The following ZNF251 variants were observed in gnomAD, a reference collection of about 807,000 sequenced individuals.
The protein encoded by ZNF251 is zinc finger protein 251.
Under a neutral mutation model 13.5 loss-of-function variants are expected in ZNF251, and 14 were observed. That is an observed-to-expected ratio of 1.04 (90% confidence interval 0.69 to 1.63). The LOEUF (loss-of-function observed/expected upper bound fraction) is 1.63. ZNF251 is among the 40% of genes most tolerant of loss of function. The pLI is 0.00. For missense variants in ZNF251, 764 were observed against 834.9 expected, an observed-to-expected ratio of 0.92 and a Z score of 1.05; for synonymous variants, 287 against 295.2, an observed-to-expected ratio of 0.97 and a Z score of 0.28.
In ZNF251 at chr8:144,734,437, A is replaced by G. The variant is rs1035536047; in HGVS notation, c.278-11055T>C. 6.6e-6 allele frequency among the ~76,000 whole-genome samples: 1 copy of G among 152,190 alleles called. No individual in the cohort carries two copies. Among genetic ancestry groups the G allele is most frequent in the African/African-American group, 2.4e-5 (1 of 41,458 alleles). ...GCCCTGAGCACCCGGTTCCTGCCCC[A>G]CCGGACGCTGGAGGCCTCCACCTGG... On this transcript the variant is annotated intron_variant, in intron 4 of 4. Coordinates refer to ENST00000292562, the MANE Select transcript of ZNF251 (RefSeq NM_138367.2). The surrounding 1 kb of genome is among the most constrained non-coding windows in gnomAD (Gnocchi z 4.4).
chr8:144,730,239 G>T, intron 4 of ZNF251: 5 of 451,592 alleles, frequency 1.1e-5, no homozygotes, highest in Non-Finnish European at 1.2e-5. Flanking sequence ...AGAGCAGCAA[G>T]GGTGGGCTCT....
chr8:144,738,384 C>T (rs569170303), intron 4 of ZNF251: 1 of 183,516 alleles, frequency 5.4e-6, no homozygotes, highest in East Asian at 1.9e-4. Flanking sequence ...GGAAGCAGCA[C>T]CCCTGTGGAC....
At chr8:144,751,477 T>C (rs1002133114) in intron 4 of ZNF251, among the ~76,000 whole-genome samples, 1 of 152,198 alleles carries the variant, frequency 6.6e-6, no homozygotes, top group Admixed American at 6.5e-5. Context: ...TTATGTGAAG[T>C]AGTACACAAA....
At chr8:144,736,471 AT>A (rs1391917246) in intron 4 of ZNF251, among the ~76,000 whole-genome samples, 3 of 134,614 alleles carry the variant, frequency 2.2e-5, no homozygotes, top group Non-Finnish European at 4.6e-5. Flanking sequence ...TTATTTATTT[AT>A]TTATTTATTT....
chr8:144,727,091 A>G (rs2129936722), intron 4 of ZNF251, among the ~76,000 whole-genome samples: 1 of 152,264 alleles, frequency 6.6e-6, no homozygotes, highest in East Asian at 1.9e-4. Flanking sequence ...CCAAACATTG[A>G]AGAGTGTATG....
intron 4 of ZNF251, among the ~76,000 whole-genome samples, chr8:144,748,459 T>C (rs1008764278): frequency 1.3e-5 from 2 of 152,204 alleles, no homozygotes; most frequent in African/African-American, 4.8e-5. Flanking sequence ...TATTTCCGCT[T>C]TCTTTGGATT....
In ZNF251 at chr8:144,721,394, A is replaced by G. The variant is rs974421476; in HGVS notation, c.*250T>C. The G allele has an allele frequency of 7.3e-6, 3 of 413,684 alleles. No individual in the cohort carries two copies. Among genetic ancestry groups the G allele is most frequent in the East Asian group, 3.6e-5 (1 of 28,106 alleles). 25.6% of individuals were successfully genotyped at this position (413,684 alleles called of 1,614,324 possible). On this transcript the variant is annotated 3_prime_UTR_variant, in exon 5 of 5. Coordinates refer to ENST00000292562, the MANE Select transcript of ZNF251 (RefSeq NM_138367.2). Reference sequence around the variant, plus strand: ...TTTTCACGCCCTCCATCCATTCGTCATGAGTATCCGGATACAGCACCACAC... The same window carrying G: ...TTTTCACGCCCTCCATCCATTCGTCGTGAGTATCCGGATACAGCACCACAC...
At position 144,734,781 on chromosome 8, in the gene ZNF251, G is replaced by A. The variant is rs1823828312; in HGVS notation, c.278-11399C>T. ...GGTAGAAAATTCAAATTTGTCTTAA[G>A]GGATTTTGCAGGCCGGGCGTGGTAG... On this transcript the variant is annotated intron_variant, in intron 4 of 4. Transcript: ENST00000292562. The surrounding 1 kb of genome is among the most constrained non-coding windows in gnomAD (Gnocchi z 4.4). Among the ~76,000 whole-genome samples, 1 of 152,138 alleles carries A rather than the reference G, an allele frequency of 6.6e-6. No homozygotes were observed. The highest frequency in any genetic ancestry group is 1.5e-5 in the Non-Finnish European group (1 of 68,014).
At chr8:144,747,148 G>C (rs1298732107) in intron 4 of ZNF251, among the ~76,000 whole-genome samples, 3 of 151,306 alleles carry the variant, frequency 2.0e-5, no homozygotes, top group African/African-American at 7.3e-5. Flanking sequence ...CACAAATTTT[G>C]GTAAGTTTTA....
intron 4 of ZNF251, among the ~76,000 whole-genome samples, chr8:144,752,373 GACAATA>G (rs1427924079): frequency 6.6e-6 from 1 of 152,118 alleles, no homozygotes; most frequent in Non-Finnish European, 1.5e-5. Flanking sequence ...GGAATTAAAT[GACAATA>G]ACAATAAGAT....
intron 4 of ZNF251, among the ~76,000 whole-genome samples, chr8:144,748,150 T>G (rs1429768965): frequency 6.6e-6 from 1 of 152,120 alleles, no homozygotes; most frequent in Non-Finnish European, 1.5e-5. Flanking sequence ...CTTGGCTCAC[T>G]GCAACCTCCA....
At chr8:144,728,524 G>A (rs112218047) in intron 4 of ZNF251, among the ~76,000 whole-genome samples, 3 of 151,876 alleles carry the variant, frequency 2.0e-5, no homozygotes, top group East Asian at 1.9e-4. Context: ...TTAGCCGGGC[G>A]TGGTGGTGGG....
intron 4 of ZNF251, among the ~76,000 whole-genome samples, chr8:144,744,853 C>T (rs984872859): frequency 2.3e-4 from 35 of 152,168 alleles, no homozygotes; most frequent in Admixed American, 1.2e-3. Flanking sequence ...GTCAGCAGTT[C>T]GAGACCAGCA....
chr8:144,730,241 G>A, intron 4 of ZNF251: 1 of 440,092 alleles, frequency 2.3e-6, no homozygotes, highest in Non-Finnish European at 3.0e-6. Flanking sequence ...AGCAGCAAGG[G>A]TGGGCTCTGC....
rs918496361 is a variant in ZNF251 at position 144,747,431 on chromosome 8, G to A, written c.277+6252C>T. ...TGGCAGGAATGTGCATTCTGCTATC[G>A]TTGGATGAAGCAGTCTACAGATGTA... On this transcript the variant is annotated intron_variant, in intron 4 of 4. Transcript: ENST00000292562. 1.2e-4 allele frequency among the ~76,000 whole-genome samples: 18 copies of A among 152,314 alleles called. No individual in the cohort carries two copies. The South Asian group carries it at 2.7e-3, about 23-fold the overall frequency.
chr8:144,721,087 A>T lies in ZNF251; in HGVS notation c.*557T>A, dbSNP rs1235821850. Reference sequence around the variant, plus strand: ...TGTAGAGCTCCTTAGAACCAAAACCAAACCACCTTTCATTTTAATGAAAAT... The same window carrying T: ...TGTAGAGCTCCTTAGAACCAAAACCTAACCACCTTTCATTTTAATGAAAAT... On this transcript the variant is annotated 3_prime_UTR_variant, in exon 5 of 5. Transcript: ENST00000292562. The T allele has an allele frequency of 2.6e-5, 4 of 153,826 alleles. No individual in the cohort carries two copies. Among genetic ancestry groups the T allele is most frequent in the African/African-American group, 9.6e-5 (4 of 41,500 alleles). 9.5% of individuals were successfully genotyped at this position (153,826 alleles called of 1,614,324 possible).
intron 4 of ZNF251, among the ~76,000 whole-genome samples, chr8:144,726,518 AGAGT>A (rs1255005940): frequency 1.3e-5 from 2 of 151,870 alleles, no homozygotes; most frequent in African/African-American, 4.8e-5. Flanking sequence ...CCTGGGTGAC[AGAGT>A]GAGACTCTGT....
intron 4 of ZNF251, among the ~76,000 whole-genome samples, chr8:144,735,399 AAG>A (rs1554621456): frequency 6.6e-6 from 1 of 150,534 alleles, no homozygotes; most frequent in Non-Finnish European, 1.5e-5. Context: ...AAAAAAAAAA[AAG>A]AGATTTTGTA....
chr8:144,754,964 C>T (rs1021449665), intron 1 of ZNF251, 161 bp from the exon 2 acceptor site: 2 of 1,401,916 alleles, frequency 1.4e-6, no homozygotes, highest in East Asian at 2.7e-5. Context: ...CTCCTGAAAT[C>T]CCAGAACGGC....
Sources: allele counts gnomAD v4.1 joint callset (sites outside exome capture counted in the v4.1 genomes callset), GRCh38; gene constraint gnomAD v4.1.1; non-coding constraint Gnocchi (gnomAD v3.1); transcripts MANE v1.5; gene names NCBI Gene and HGNC (gene_info 2026-07-23, HGNC 2026-07-21).